ELP4: variants seen among roughly 807,000 people sequenced by gnomAD.
The protein encoded by ELP4 is elongator acetyltransferase complex subunit 4, also known as elongator complex protein 4.
In ELP4, 51 loss-of-function variants were observed where a neutral mutation model predicts 48.9. That is an observed-to-expected ratio of 1.04 (90% CI 0.83 to 1.32). The LOEUF is 1.32. ELP4 is among the 40% of genes most tolerant of loss of function. The pLI is 0.00. For missense variants in ELP4, 519 were observed against 514.6 expected, an observed-to-expected ratio of 1.01 and a Z score of -0.08; for synonymous variants, 210 against 189.2, an observed-to-expected ratio of 1.11 and a Z score of -0.90.
chr11:31,513,240 A>T (rs1358530665), intron 1 of ELP4, among the ~76,000 whole-genome samples: 1 of 152,174 alleles, frequency 6.6e-6, no homozygotes, highest in Non-Finnish European at 1.5e-5. Flanking sequence ...AAATTATTTC[A>T]TGTGACTTAA....
chr11:31,521,060 CA>C (rs1956205240), intron 2 of ELP4, among the ~76,000 whole-genome samples: 1 of 151,788 alleles, frequency 6.6e-6, no homozygotes, highest in East Asian at 1.9e-4. Context: ...CCTAAGGTAA[CA>C]AAAAAAGTAT....
intron 7 of ELP4, chr11:31,633,013 T>C (rs1944896806): frequency 6.6e-6 from 1 of 152,080 alleles, no homozygotes; most frequent in South Asian, 2.1e-4. Context: ...GTAGTCTCCA[T>C]AGAGGGAGGG....
chr11:31,638,469 A>AT, intron 7 of ELP4, among the ~76,000 whole-genome samples: 2 of 151,868 alleles, frequency 1.3e-5, no homozygotes, highest in East Asian at 1.9e-4. Flanking sequence ...GATCTGTAGA[A>AT]TTTTTTCCCA....
chr11:31,656,637 C>T (rs999169741), intron 9 of ELP4, among the ~76,000 whole-genome samples: 2 of 151,778 alleles, frequency 1.3e-5, no homozygotes, highest in South Asian at 2.1e-4. Flanking sequence ...AAAAGTTGCA[C>T]GAAGCAAAGT....
chr11:31,719,615 A>G (rs1946916321), intron 9 of ELP4: 1 of 396,390 alleles, frequency 2.5e-6, no homozygotes, highest in South Asian at 1.3e-4. Context: ...AAAATGTTCT[A>G]TGTTTTCTTC....
intron 3 of ELP4, among the ~76,000 whole-genome samples, chr11:31,564,246 C>T (rs910524011): frequency 1.3e-5 from 2 of 152,104 alleles, no homozygotes; most frequent in Non-Finnish European, 2.9e-5. Flanking sequence ...TGTTCCCCAA[C>T]ATATCATTTT....
intron 3 of ELP4, among the ~76,000 whole-genome samples, chr11:31,556,701 C>T (rs1288820117): frequency 2.6e-5 from 4 of 151,750 alleles, no homozygotes; most frequent in Admixed American, 6.6e-5. Context: ...TATCTAAGAT[C>T]GAGAGCAAAA....
chr11:31,555,086 C>T (rs559330001), intron 3 of ELP4, among the ~76,000 whole-genome samples: 5 of 152,222 alleles, frequency 3.3e-5, no homozygotes, highest in African/African-American at 1.2e-4. Context: ...ACAAAGTTAA[C>T]ATTTCCCTAA....
At chr11:31,701,790 TATA>T (rs1450046139) in intron 9 of ELP4, among the ~76,000 whole-genome samples, 1 of 151,306 alleles carries the variant, frequency 6.6e-6, no homozygotes, top group Non-Finnish European at 1.5e-5. Flanking sequence ...TTTTACCTAA[TATA>T]ATAAGAGGTA....
intron 9 of ELP4, among the ~76,000 whole-genome samples, chr11:31,660,682 G>A (rs530640863): frequency 6.6e-5 from 10 of 151,864 alleles, no homozygotes; most frequent in African/African-American, 2.2e-4. Flanking sequence ...ATATTTAAGT[G>A]TAGCAAAACA....
intron 5 of ELP4, among the ~76,000 whole-genome samples, chr11:31,623,390 T>TAAATATAA: frequency 1.1e-5 from 1 of 92,582 alleles, no homozygotes; most frequent in South Asian, 3.3e-4. Context: ...TATATATATA[T>TAAATATAA]AAAACTAGAA....
chr11:31,531,865 C>G (rs984382303), intron 2 of ELP4, among the ~76,000 whole-genome samples: 43 of 151,882 alleles, frequency 2.8e-4, no homozygotes, highest in African/African-American at 9.7e-4. Context: ...AATTGGGAGG[C>G]TGATAGTGAG....
chr11:31,597,495 C>G (rs1565072605), intron 4 of ELP4, among the ~76,000 whole-genome samples: 1 of 152,132 alleles, frequency 6.6e-6, no homozygotes, highest in Admixed American at 6.5e-5. Flanking sequence ...TGGCAAAGAA[C>G]TTCACGTCTT....
Position 31,789,874 on chromosome 11 carries a change from C to A in ELP4, c.*6350C>A. Reference sequence around the variant, plus strand: ...TCCTGAAAGCTCAACTGTTGTGTCCCCATAGTCACTGACTGAATTAACACA... The same window carrying A: ...TCCTGAAAGCTCAACTGTTGTGTCCACATAGTCACTGACTGAATTAACACA... On this transcript the variant is annotated 3_prime_UTR_variant, in exon 10 of 10. Transcript: ENST00000640961. 1 of 1,436,706 alleles carries A rather than the reference C, an allele frequency of 7.0e-7. No homozygotes were observed. The highest frequency in any genetic ancestry group is 2.4e-5 in the East Asian group (1 of 40,934). The allele number at this position is 1,436,706 out of a possible 1,614,324, so 89.0% of individuals were successfully genotyped here.
chr11:31,534,662 C>T (rs1298034596), intron 2 of ELP4, among the ~76,000 whole-genome samples: 1 of 152,066 alleles, frequency 6.6e-6, no homozygotes, highest in African/African-American at 2.4e-5. Flanking sequence ...ATAGAGCAAA[C>T]TTTAAGCAAG....
chr11:31,736,483 A>C (rs919118950), intron 9 of ELP4, among the ~76,000 whole-genome samples: 3 of 152,188 alleles, frequency 2.0e-5, no homozygotes, highest in South Asian at 2.1e-4. Context: ...AATGGGATCT[A>C]ATTAAACTAA....
chr11:31,551,507 G>C (rs555570981), intron 3 of ELP4, among the ~76,000 whole-genome samples: 1 of 152,216 alleles, frequency 6.6e-6, no homozygotes, highest in East Asian at 1.9e-4. Context: ...ACAGCTAACT[G>C]TGCTTCTTAG....
chr11:31,567,776 A>T (rs1357029921), intron 3 of ELP4, among the ~76,000 whole-genome samples: 1 of 152,264 alleles, frequency 6.6e-6, no homozygotes, highest in African/African-American at 2.4e-5. Flanking sequence ...GTGCAATAGC[A>T]TTATGACTAA....
intron 6 of ELP4, among the ~76,000 whole-genome samples, chr11:31,631,497 C>T: frequency 6.6e-6 from 1 of 152,228 alleles, no homozygotes; most frequent in South Asian, 2.1e-4. Context: ...ATAACCCAAA[C>T]AGTAGAATTT....
Sources: allele counts gnomAD v4.1 joint callset (sites outside exome capture counted in the v4.1 genomes callset), GRCh38; gene constraint gnomAD v4.1.1; transcripts MANE v1.5; gene names NCBI Gene and HGNC (gene_info 2026-07-23, HGNC 2026-07-21).